Variants in RASSF6 observed in about 807,000 individuals in gnomAD.
RASSF6 encodes the protein ras association domain-containing protein 6.
Under a neutral mutation model 44.0 loss-of-function variants are expected in RASSF6, and 52 were observed. The observed-to-expected ratio is 1.18, with a 90% CI of 0.95 to 1.49. The LOEUF is 1.49. RASSF6 is among the 40% of genes most tolerant of loss of function. The pLI is 0.00. For synonymous variants in RASSF6, 162 were observed against 124.6 expected (o/e 1.30, Z -2.00); for missense variants, 464 against 393.3 (o/e 1.18, Z -1.52).
intron 2 of RASSF6, among the ~76,000 whole-genome samples, chr4:73,605,047 G>A (rs970001290): frequency 2.0e-5 from 3 of 151,700 alleles, no homozygotes; most frequent in Non-Finnish European, 2.9e-5. Flanking sequence ...CTGCCACCAG[G>A]CCAGGCTAAT....
intron 2 of RASSF6, among the ~76,000 whole-genome samples, chr4:73,606,219 G>A (rs764545514): frequency 9.5e-4 from 145 of 152,286 alleles, no homozygotes; most frequent in Non-Finnish European, 1.8e-3. Flanking sequence ...AGACACCATG[G>A]AATACTCTGT....
rs919306637 is a variant in RASSF6 at position 73,573,054 on chromosome 4, A to T, written c.*3181T>A. 9 of 151,950 alleles carry T rather than the reference A, an allele frequency of 5.9e-5. No individual in the cohort carries two copies. The highest frequency in any genetic ancestry group is 2.2e-4 in the African/African-American group (9 of 41,376). The allele number at this position is 151,950 out of a possible 1,614,324, so 9.4% of individuals were successfully genotyped here. A position where few individuals can be genotyped will look rare whatever the true frequency, so the allele number is the denominator to read the frequency against. On this transcript the variant is annotated 3_prime_UTR_variant, in exon 11 of 11. Coordinates refer to ENST00000307439, the MANE Select transcript of RASSF6 (RefSeq NM_177532.5). Reference sequence around the variant, plus strand: ...TTCTTATTTAGATATATAAGAATTTACCCCTGTAATTAAAATTACTTGGAA... The same window carrying T: ...TTCTTATTTAGATATATAAGAATTTTCCCCTGTAATTAAAATTACTTGGAA...
At chr4:73,619,141 C>T (rs1295878243) in intron 1 of RASSF6, among the ~76,000 whole-genome samples, 1 of 152,160 alleles carries the variant, frequency 6.6e-6, no homozygotes, top group East Asian at 1.9e-4. Context: ...AAAGCAGTCT[C>T]CTTTATAAAA....
chr4:73,603,495 G>A (rs995489796), intron 2 of RASSF6, among the ~76,000 whole-genome samples: 2 of 151,982 alleles, frequency 1.3e-5, no homozygotes, highest in African/African-American at 4.8e-5. Flanking sequence ...CAGGGGGAGG[G>A]ATGCTGAGGG....
At chr4:73,605,416 T>C (rs573388993) in intron 2 of RASSF6, among the ~76,000 whole-genome samples, 35 of 152,334 alleles carry the variant, frequency 2.3e-4, no homozygotes, top group African/African-American at 7.9e-4. Flanking sequence ...CATTTTATCC[T>C]TTATTCCTGT....
At chr4:73,581,791 TA>T in intron 8 of RASSF6, 25 bp downstream of exon 8, 1 of 1,541,572 alleles carries the variant, frequency 6.5e-7, no homozygotes, top group Non-Finnish European at 9.0e-7. Flanking sequence ...TAGAGTCAGG[TA>T]AAAAGTGTGA....
At chr4:73,579,165 A>C (rs998195945) in intron 8 of RASSF6, among the ~76,000 whole-genome samples, 2 of 152,162 alleles carry the variant, frequency 1.3e-5, no homozygotes, top group African/African-American at 4.8e-5. Flanking sequence ...CATTCCATTC[A>C]ATGGCAGCCT....
At chr4:73,594,472 G>T (rs1321691547) in intron 3 of RASSF6, among the ~76,000 whole-genome samples, 1 of 152,174 alleles carries the variant, frequency 6.6e-6, no homozygotes, top group Non-Finnish European at 1.5e-5. Context: ...CCCTGGCTCT[G>T]CCACTTCCTA....
chr4:73,579,223 T>C (rs1258283268), intron 8 of RASSF6, among the ~76,000 whole-genome samples: 3 of 152,208 alleles, frequency 2.0e-5, no homozygotes, highest in Non-Finnish European at 2.9e-5. Flanking sequence ...ACTTTGTCTT[T>C]AGCTTTTTGT....
chr4:73,597,201 G>A (rs1157071965), intron 3 of RASSF6, among the ~76,000 whole-genome samples: 2 of 152,154 alleles, frequency 1.3e-5, no homozygotes, highest in Non-Finnish European at 2.9e-5. Context: ...CAGAATGGGA[G>A]AATATTTTTG....
Position 73,576,272 on chromosome 4 carries a change from T to G in RASSF6, c.977A>C (p.Gln326Pro), listed in dbSNP as rs745953087. ...KEKAIILKCLQNKLVIKTETT... is the reference protein window; with the variant it reads ...KEKAIILKCLPNKLVIKTETT... ...CTCTGTTTTTATTACTAGTTTATTT[T>G]GAAGACATTTCAGTATAATCGCCTT... is the stretch of plus-strand genomic sequence containing the variant. Residue 326 changes from glutamine (Q) to proline (P), a missense_variant, in exon 11 of 11, where the codon CAA becomes CCA. Transcript: ENST00000307439. The G allele has an allele frequency of 6.4e-7, 1 of 1,563,622 alleles. No homozygotes were observed. The highest frequency in any genetic ancestry group is 8.8e-7 in the Non-Finnish European group (1 of 1,138,130).
chr4:73,572,281 G>A lies in RASSF6; in HGVS notation c.*3954C>T, dbSNP rs10004505. 0.71 allele frequency: 108,489 copies of A among 152,004 alleles called. 39,016 individuals are homozygous for A. The highest frequency in any genetic ancestry group is 0.88 in the East Asian group (4,532 of 5,170). The allele number at this position is 152,004 out of a possible 1,614,324, so 9.4% of individuals were successfully genotyped here. ...CAGTTGACTTCCCCCAGAGCAAGTG[G>A]TCCAAGAGAGAGCAAGGAGGAAGCC... is the stretch of plus-strand genomic sequence containing the variant. On this transcript the variant is annotated 3_prime_UTR_variant, in exon 11 of 11. Coordinates refer to ENST00000307439, the MANE Select transcript of RASSF6 (RefSeq NM_177532.5).
intron 6 of RASSF6, among the ~76,000 whole-genome samples, chr4:73,584,583 G>T (rs967311763): frequency 2.1e-4 from 32 of 152,128 alleles, no homozygotes; most frequent in Non-Finnish European, 4.1e-4. Flanking sequence ...ATGGCAACAT[G>T]AGAAGTTTGA....
At chr4:73,603,355 G>C (rs1039661351) in intron 2 of RASSF6, among the ~76,000 whole-genome samples, 1 of 152,136 alleles carries the variant, frequency 6.6e-6, no homozygotes, top group Non-Finnish European at 1.5e-5. Context: ...CTCCAGGATA[G>C]AAGTTGGCAC....
At chr4:73,584,258 A>G (rs1425546108) in intron 6 of RASSF6, among the ~76,000 whole-genome samples, 1 of 152,156 alleles carries the variant, frequency 6.6e-6, no homozygotes, top group African/African-American at 2.4e-5. Context: ...CCTTACAGGA[A>G]AAAGCCTACA....
Position 73,587,832 on chromosome 4 carries a change from A to T in RASSF6, c.382+8T>A. 6.3e-7 allele frequency: 1 copy of T among 1,579,084 alleles called. No individual in the cohort carries two copies. Among genetic ancestry groups the T allele is most frequent in the Non-Finnish European group, 8.7e-7 (1 of 1,149,312 alleles). On this transcript the variant is annotated splice_region_variant and intron_variant, in intron 5 of 10. Transcript: ENST00000307439. ...AAGTCTCCCAATCAATAAGATTTTG[A>T]TACTGACCTTCCTGGGAATTCCTTT...
At chr4:73,612,977 C>T (rs941092807) in intron 1 of RASSF6, among the ~76,000 whole-genome samples, 1 of 152,106 alleles carries the variant, frequency 6.6e-6, no homozygotes, top group East Asian at 1.9e-4. Flanking sequence ...CACCCATTTC[C>T]CCTGGCAGCA....
intron 8 of RASSF6, among the ~76,000 whole-genome samples, chr4:73,579,549 G>A (rs1274306462): frequency 6.6e-6 from 1 of 152,052 alleles, no homozygotes; most frequent in Non-Finnish European, 1.5e-5. Flanking sequence ...CTGAATTTAA[G>A]ACTTTTCTAA....
chr4:73,589,136 C>T (rs949068244), intron 4 of RASSF6, among the ~76,000 whole-genome samples: 1 of 152,060 alleles, frequency 6.6e-6, no homozygotes, highest in Admixed American at 6.6e-5. Flanking sequence ...CTCACAATAG[C>T]CTTATGATGT....
Sources: gnomAD v4.1 joint callset for allele counts (sites outside exome capture counted in the v4.1 genomes callset) on GRCh38, gnomAD v4.1.1 for gene constraint, MANE v1.5 for transcripts, NCBI Gene and HGNC (gene_info 2026-07-23, HGNC 2026-07-21) for gene names.